CCBE1: variants seen among roughly 807,000 people sequenced by gnomAD.
CCBE1 encodes the protein collagen and calcium-binding EGF domain-containing protein 1.
A neutral mutation model predicts 50.0 loss-of-function variants in CCBE1; 37 were observed. That is an observed-to-expected ratio of 0.74 (90% CI 0.57 to 0.97). The LOEUF is 0.97. Ranked by LOEUF, CCBE1 falls within the 50% of genes least tolerant of loss-of-function variation. CCBE1 has a pLI of 0.00. For missense variants in CCBE1, 538 were observed against 523.8 expected (o/e 1.03, Z -0.26); for synonymous variants, 234 against 203.7 (o/e 1.15, Z -1.27).
intron 3 of CCBE1, among the ~76,000 whole-genome samples, chr18:59,479,610 T>C (rs1396507604): frequency 6.6e-6 from 1 of 152,234 alleles, no homozygotes; most frequent in Non-Finnish European, 1.5e-5. Context: ...TAACCTGAAC[T>C]TGCCCAAGGT....
At chr18:59,459,236 C>G (rs1258529395) in intron 5 of CCBE1, 1 of 152,174 alleles carries the variant, frequency 6.6e-6, no homozygotes, top group Non-Finnish European at 1.5e-5. Context: ...CTTTTCAATA[C>G]AGCTCTCAAG....
intron 2 of CCBE1, among the ~76,000 whole-genome samples, chr18:59,556,100 C>T (rs139969254): frequency 6.6e-6 from 1 of 152,318 alleles, no homozygotes; most frequent in African/African-American, 2.4e-5. Context: ...GGCCCAGGAC[C>T]TCTGTTCCTC....
intron 2 of CCBE1, among the ~76,000 whole-genome samples, chr18:59,512,084 G>T (rs538831333): frequency 1.3e-5 from 2 of 152,100 alleles, no homozygotes; most frequent in Non-Finnish European, 2.9e-5. Flanking sequence ...TCCAGCAATC[G>T]TTAAGAGCTA....
chr18:59,651,501 A>T (rs2054127844), intron 2 of CCBE1, among the ~76,000 whole-genome samples: 1 of 152,246 alleles, frequency 6.6e-6, no homozygotes, highest in Non-Finnish European at 1.5e-5. Context: ...TCATTCACAG[A>T]ACTAAATCAA....
intron 6 of CCBE1, among the ~76,000 whole-genome samples, chr18:59,453,878 A>G (rs910498603): frequency 2.0e-5 from 3 of 152,226 alleles, no homozygotes; most frequent in Admixed American, 6.5e-5. Flanking sequence ...CAGTTGTTCA[A>G]GAAGTCAGAT....
At chr18:59,679,781 C>T (rs926340374) in intron 2 of CCBE1, among the ~76,000 whole-genome samples, 12 of 152,102 alleles carry the variant, frequency 7.9e-5, no homozygotes, top group African/African-American at 2.4e-4. Flanking sequence ...CCTAAGGTGG[C>T]CAGAGTGCAC....
At chr18:59,460,288 T>A (rs1005738684) in intron 5 of CCBE1, among the ~76,000 whole-genome samples, 13 of 152,210 alleles carry the variant, frequency 8.5e-5, no homozygotes, top group Non-Finnish European at 1.9e-4. Context: ...GTGTTTGATT[T>A]CAAATTCCTC....
intron 2 of CCBE1, among the ~76,000 whole-genome samples, chr18:59,597,471 C>T (rs144406157): frequency 6.6e-6 from 1 of 152,164 alleles, no homozygotes; most frequent in Admixed American, 6.6e-5. Context: ...GAGAAATTCC[C>T]ATCTCCTTCC....
At chr18:59,445,720 T>TC in intron 7 of CCBE1, among the ~76,000 whole-genome samples, 2 of 152,284 alleles carry the variant, frequency 1.3e-5, no homozygotes, top group Admixed American at 1.3e-4. Context: ...GCCAGATCCC[T>TC]CCTTTTACTA....
intron 2 of CCBE1, among the ~76,000 whole-genome samples, chr18:59,677,383 C>CG (rs2054519563): frequency 1.3e-5 from 2 of 151,986 alleles, no homozygotes; most frequent in South Asian, 4.2e-4. Flanking sequence ...GGGGGCTGGT[C>CG]GGGGGTAGAA....
intron 2 of CCBE1, among the ~76,000 whole-genome samples, chr18:59,659,564 G>A (rs997377860): frequency 1.3e-5 from 2 of 152,074 alleles, no homozygotes; most frequent in African/African-American, 4.8e-5. Context: ...ACAACATCAC[G>A]AAACAAAATC....
chr18:59,450,448 G>A lies in CCBE1; in HGVS notation c.655-2345C>T, dbSNP rs79675760. Reference sequence around the variant, plus strand: ...CTTACCGAGAGTCACACAGCCAGCAGACGGTGGGTCTAGAATTTAAACTTA... The same window carrying A: ...CTTACCGAGAGTCACACAGCCAGCAAACGGTGGGTCTAGAATTTAAACTTA... On this transcript the variant is annotated intron_variant, in intron 6 of 10. Transcript: ENST00000439986. Among the ~76,000 whole-genome samples, 2,251 of 152,268 alleles carry A rather than the reference G, an allele frequency of 0.015. 119 individuals carry two copies. The East Asian group carries it at 0.21, about 14-fold the overall frequency.
At chr18:59,568,232 A>G (rs1396478409) in intron 2 of CCBE1, 3 of 151,802 alleles carry the variant, frequency 2.0e-5, no homozygotes, top group African/African-American at 4.8e-5. Context: ...GTCTTCTCAC[A>G]AACTACTCAT....
intron 2 of CCBE1, among the ~76,000 whole-genome samples, chr18:59,615,450 C>T (rs1254256068): frequency 6.6e-6 from 1 of 151,718 alleles, no homozygotes; most frequent in African/African-American, 2.4e-5. Context: ...AGAGTCATTT[C>T]CAATGTCATC....
intron 2 of CCBE1, among the ~76,000 whole-genome samples, chr18:59,621,776 T>C (rs1486049074): frequency 6.6e-6 from 1 of 152,260 alleles, no homozygotes; most frequent in Non-Finnish European, 1.5e-5. Flanking sequence ...GCCTATTTTC[T>C]TTAGTCTTTT....
chr18:59,696,352 T>A lies in CCBE1; in HGVS notation c.212+277A>T, dbSNP rs569923016. ...TTTACACCCAAAATCCAATCCAATC[T>A]CCTTCACAGACTTCCACACAAGTAT... On this transcript the variant is annotated intron_variant, in intron 2 of 10. Transcript: ENST00000439986. 3.2e-5 allele frequency: 22 copies of A among 690,944 alleles called. No individual in the cohort carries two copies. The South Asian group carries it at 3.6e-4, about 11-fold the overall frequency. The allele number at this position is 690,944 out of a possible 1,614,324, so 42.8% of individuals were successfully genotyped here. A position where few individuals can be genotyped will look rare whatever the true frequency, so the allele number is the denominator to read the frequency against.
chr18:59,553,208 G>A (rs1215992657), intron 2 of CCBE1, among the ~76,000 whole-genome samples: 1 of 130,976 alleles, frequency 7.6e-6, no homozygotes, highest in Non-Finnish European at 1.7e-5. Context: ...GTCTACCCTG[G>A]AGAAAGAGTT....
chr18:59,620,987 C>T (rs956862327), intron 2 of CCBE1, among the ~76,000 whole-genome samples: 3 of 152,154 alleles, frequency 2.0e-5, no homozygotes, highest in African/African-American at 7.2e-5. Flanking sequence ...GCAGGGAAGA[C>T]CATAGGAGGA....
At chr18:59,456,936 G>C (rs1911220446) in intron 5 of CCBE1, among the ~76,000 whole-genome samples, 1 of 152,156 alleles carries the variant, frequency 6.6e-6, no homozygotes, top group African/African-American at 2.4e-5. Context: ...GGAGACCTGG[G>C]GTTGGCAGCA....
Sources: allele counts gnomAD v4.1 joint callset (sites outside exome capture counted in the v4.1 genomes callset), GRCh38; gene constraint gnomAD v4.1.1; transcripts MANE v1.5; gene names NCBI Gene and HGNC (gene_info 2026-07-23, HGNC 2026-07-21).